Variants in NXPE2 observed in about 807,000 individuals in gnomAD.
The protein encoded by NXPE2 is neurexophilin and PC-esterase domain family member 2.
NXPE2 carries 34 observed loss-of-function variants against 34.4 expected under a neutral mutation model. That is an observed-to-expected ratio of 0.99 (90% confidence interval 0.75 to 1.31). The LOEUF (loss-of-function observed/expected upper bound fraction) is 1.31, where lower values mean the gene tolerates loss of function less well. Ranked by LOEUF, NXPE2 falls within the 40% of genes most tolerant of loss-of-function variation. NXPE2 has a pLI of 0.00. For synonymous variants in NXPE2, 235 were observed against 231.3 expected, an observed-to-expected ratio of 1.02 and a Z score of -0.15; for missense variants, 649 against 672.5, an observed-to-expected ratio of 0.97 and a Z score of 0.39.
At chr11:114,618,987 T>C in the NXPE2 span, among the ~76,000 whole-genome samples, 4 of 152,194 alleles carry the variant, frequency 2.6e-5, no homozygotes, top group African/African-American at 9.6e-5. Context: ...TGGTGGATAA[T>C]AGGTATTGCT....
chr11:114,752,664 A>C, the NXPE2 span, among the ~76,000 whole-genome samples: 1 of 152,154 alleles, frequency 6.6e-6, no homozygotes, highest in Non-Finnish European at 1.5e-5. Flanking sequence ...ATCAAGAATG[A>C]CTGAGGTTTG....
At chr11:114,660,934 G>T in the NXPE2 span, among the ~76,000 whole-genome samples, 3 of 152,044 alleles carry the variant, frequency 2.0e-5, no homozygotes, top group African/African-American at 7.2e-5. Context: ...TTTTAGGCCT[G>T]CCCCTTAATA....
At chr11:114,546,555 C>G in the NXPE2 span, among the ~76,000 whole-genome samples, 1 of 151,492 alleles carries the variant, frequency 6.6e-6, no homozygotes, top group African/African-American at 2.4e-5. Flanking sequence ...TCCCATCTCA[C>G]CCTCCCAAAG....
the NXPE2 span, among the ~76,000 whole-genome samples, chr11:114,759,158 A>C: frequency 6.6e-6 from 1 of 152,186 alleles, no homozygotes; most frequent in South Asian, 2.1e-4. Context: ...GTCAGCTAGG[A>C]TTCCAGCTGA....
the NXPE2 span, among the ~76,000 whole-genome samples, chr11:114,602,122 A>C: frequency 1.3e-4 from 13 of 101,964 alleles, no homozygotes; most frequent in Middle Eastern, 0.013. Flanking sequence ...ATAATTATAT[A>C]TATTATACAT....
the NXPE2 span, among the ~76,000 whole-genome samples, chr11:114,587,921 G>C: frequency 6.6e-6 from 1 of 152,174 alleles, no homozygotes; most frequent in African/African-American, 2.4e-5. Context: ...CTGGCCTGCA[G>C]AGGGGAGCCT....
At chr11:114,649,739 A>T in the NXPE2 span, among the ~76,000 whole-genome samples, 1 of 152,166 alleles carries the variant, frequency 6.6e-6, no homozygotes, top group Non-Finnish European at 1.5e-5. Flanking sequence ...TGGGGTGATG[A>T]ATCCAATTGC....
At chr11:114,726,139 A>G in the NXPE2 span, among the ~76,000 whole-genome samples, 1 of 151,588 alleles carries the variant, frequency 6.6e-6, no homozygotes, top group Non-Finnish European at 1.5e-5. Flanking sequence ...TGGATATAGA[A>G]TTCTGTGTTG....
chr11:114,698,787 G>A lies in NXPE2; in HGVS notation c.866+9G>A. 1 of 1,501,982 alleles carries A rather than the reference G, an allele frequency of 6.7e-7. No homozygotes were observed. 93.0% of individuals were successfully genotyped at this position (1,501,982 alleles called of 1,614,324 possible). On this transcript the variant is annotated intron_variant, in intron 3 of 5. Transcript: ENST00000389586. ...TGGAGGCTTTTCCACAGGTAAAGAG[G>A]CTTTTAAATACAATAGCAGATAAAA...
At chr11:114,669,503 T>C in the NXPE2 span, among the ~76,000 whole-genome samples, 1 of 152,052 alleles carries the variant, frequency 6.6e-6, no homozygotes, top group African/African-American at 2.4e-5. Flanking sequence ...CAAGAATGGC[T>C]TAGAAGTCCT....
the NXPE2 span, among the ~76,000 whole-genome samples, chr11:114,544,695 A>G: frequency 2.8e-4 from 42 of 152,178 alleles, no homozygotes; most frequent in Admixed American, 7.9e-4. Context: ...TAAAAAGCAC[A>G]ATCCATGAAA....
At chr11:114,603,474 C>T in the NXPE2 span, among the ~76,000 whole-genome samples, 2 of 151,254 alleles carry the variant, frequency 1.3e-5, no homozygotes, top group Admixed American at 1.3e-4. Flanking sequence ...ATAAGTATTG[C>T]CTCGTCTCCT....
At chr11:114,493,649 TTTTA>T in the NXPE2 span, among the ~76,000 whole-genome samples, 1 of 152,192 alleles carries the variant, frequency 6.6e-6, no homozygotes, top group Admixed American at 6.5e-5. Flanking sequence ...AACTTTTTGT[TTTTA>T]TTTATACTGT....
chr11:114,643,875 T>C, the NXPE2 span, among the ~76,000 whole-genome samples: 1 of 152,194 alleles, frequency 6.6e-6, no homozygotes, highest in Non-Finnish European at 1.5e-5. Flanking sequence ...TTTCATGATA[T>C]TAATTCTTCC....
the NXPE2 span, among the ~76,000 whole-genome samples, chr11:114,751,775 T>C: frequency 9.2e-5 from 14 of 152,170 alleles, no homozygotes; most frequent in African/African-American, 3.4e-4. Context: ...GGTCACTTGA[T>C]CATGAGGTGG....
the NXPE2 span, among the ~76,000 whole-genome samples, chr11:114,663,460 G>A: frequency 6.6e-6 from 1 of 152,088 alleles, no homozygotes; most frequent in Non-Finnish European, 1.5e-5. Context: ...GAAGGACATG[G>A]TGGTGTCTAA....
chr11:114,802,903 T>TAA, the NXPE2 span, among the ~76,000 whole-genome samples: 1,071 of 151,240 alleles, frequency 7.1e-3, 11 homozygotes, highest in African/African-American at 0.024. Context: ...AAAAGATAAT[T>TAA]AAAAAAAAAC....
chr11:114,608,269 G>A, the NXPE2 span, among the ~76,000 whole-genome samples: 2 of 151,714 alleles, frequency 1.3e-5, no homozygotes, highest in Admixed American at 6.6e-5. Context: ...TGCCTTGTGG[G>A]TAACCACTGT....
At chr11:114,755,877 C>G in the NXPE2 span, among the ~76,000 whole-genome samples, 1 of 152,090 alleles carries the variant, frequency 6.6e-6, no homozygotes, top group Non-Finnish European at 1.5e-5. Context: ...ATACTACCTC[C>G]CTGAACCTCA....
Sources: gnomAD v4.1 joint callset for allele counts (sites outside exome capture counted in the v4.1 genomes callset) on GRCh38, gnomAD v4.1.1 for gene constraint, MANE v1.5 for transcripts, NCBI Gene and HGNC (gene_info 2026-07-23, HGNC 2026-07-21) for gene names.